IRAG1: variants seen among roughly 807,000 people sequenced by gnomAD.
IRAG1 encodes the protein IP3R-associated cGMP kinase substrate.
Under a neutral mutation model 106.2 loss-of-function variants are expected in IRAG1, and 62 were observed. That is an observed-to-expected ratio of 0.58 (90% CI 0.48 to 0.72). The LOEUF is 0.72. Among genes scored for constraint, IRAG1 ranks in the 30% least tolerant of loss-of-function variants. IRAG1 has a pLI of 0.00. For missense variants in IRAG1, 1,064 were observed against 1,140.7 expected, an observed-to-expected ratio of 0.93 and a Z score of 0.97; for synonymous variants, 462 against 443.9, an observed-to-expected ratio of 1.04 and a Z score of -0.51.
chr11:10,649,158 C>T (rs1003249665), intron 2 of IRAG1, among the ~76,000 whole-genome samples: 3 of 152,324 alleles, frequency 2.0e-5, no homozygotes, highest in South Asian at 2.1e-4. Flanking sequence ...CTGACCCTCC[C>T]GAGGCCGTGA....
chr11:10,637,452 CCT>C (rs1342685604), intron 2 of IRAG1, among the ~76,000 whole-genome samples: 2 of 152,148 alleles, frequency 1.3e-5, no homozygotes, highest in Admixed American at 1.3e-4. Context: ...GGATAGTATG[CCT>C]TGATGGGCTG....
At chr11:10,664,429 G>A (rs1859638483) in intron 1 of IRAG1, among the ~76,000 whole-genome samples, 1 of 152,178 alleles carries the variant, frequency 6.6e-6, no homozygotes, top group South Asian at 2.1e-4. Flanking sequence ...TGAGATAGGG[G>A]TTCAGGGACA....
chr11:10,625,749 C>T (rs1226639042), intron 9 of IRAG1, among the ~76,000 whole-genome samples: 1 of 151,926 alleles, frequency 6.6e-6, no homozygotes, highest in Non-Finnish European at 1.5e-5. Flanking sequence ...TGAGCTCTGC[C>T]TGGTAACTGG....
At chr11:10,626,670 C>T in intron 8 of IRAG1, 87 bp from the exon 9 acceptor site, 1 of 1,430,942 alleles carries the variant, frequency 7.0e-7, no homozygotes, top group Non-Finnish European at 9.3e-7. Context: ...GTCTCTGCCC[C>T]CACACACCTT....
At chr11:10,591,729 GC>G in intron 17 of IRAG1, 117 bp from the exon 18 acceptor site, 1 of 912,890 alleles carries the variant, frequency 1.1e-6, no homozygotes, top group South Asian at 1.4e-5. Context: ...TTTCCTCCAT[GC>G]CCCCACTTTC....
At chr11:10,604,640 C>T (rs1854325521) in intron 12 of IRAG1, 95 bp from the exon 13 acceptor site, 2 of 1,450,904 alleles carry the variant, frequency 1.4e-6, no homozygotes, top group East Asian at 4.6e-5. Context: ...TTTGCAACGG[C>T]CCCTGGAACA....
intron 5 of IRAG1, 109 bp downstream of exon 5, chr11:10,629,429 C>T (rs1856520416): frequency 1.7e-6 from 2 of 1,210,432 alleles, no homozygotes; most frequent in Non-Finnish European, 2.3e-6. Flanking sequence ...GCAGGTGAGT[C>T]CAAGGCGACC....
chr11:10,625,605 C>G (rs980415073), intron 9 of IRAG1, among the ~76,000 whole-genome samples: 4 of 152,102 alleles, frequency 2.6e-5, no homozygotes, highest in African/African-American at 9.7e-5. Context: ...GGCACTCCAT[C>G]AAGGGATTCC....
At chr11:10,599,756 C>G (rs979477735) in intron 15 of IRAG1, 10 of 152,224 alleles carry the variant, frequency 6.6e-5, no homozygotes, top group Admixed American at 2.6e-4. Context: ...AGTTCAAACC[C>G]TGACAGTGCC....
chr11:10,674,764 C>G (rs759696425), intron 1 of IRAG1, among the ~76,000 whole-genome samples: 1 of 152,208 alleles, frequency 6.6e-6, no homozygotes, highest in Non-Finnish European at 1.5e-5. Context: ...TGCACGGTGT[C>G]GGCTCCCTGC....
In IRAG1 at chr11:10,575,175, G is replaced by A. The variant is rs1456630724; in HGVS notation, c.*1157C>T. 6.6e-6 allele frequency: 1 copy of A among 152,218 alleles called. No homozygotes were observed. Among genetic ancestry groups the A allele is most frequent in the Non-Finnish European group, 1.5e-5 (1 of 68,042 alleles). The allele number at this position is 152,218 out of a possible 1,614,324, so 9.4% of individuals were successfully genotyped here. A position where few individuals can be genotyped will look rare whatever the true frequency, so the allele number is the denominator to read the frequency against. On this transcript the variant is annotated 3_prime_UTR_variant, in exon 21 of 21. Transcript: ENST00000423302. Reference sequence around the variant, plus strand: ...GTGGGGAGAGAAGTCAAAATGGAGAGGGGATGTGCTCCTTCAGTGTTGTGC... The same window carrying A: ...GTGGGGAGAGAAGTCAAAATGGAGAAGGGATGTGCTCCTTCAGTGTTGTGC...
Position 10,583,628 on chromosome 11 carries a change from A to G in IRAG1, c.2241-1642T>C, listed in dbSNP as rs1851618892. Among the ~76,000 whole-genome samples, 4 of 152,144 alleles carry G rather than the reference A, an allele frequency of 2.6e-5. No homozygotes were observed. The South Asian group carries it at 6.2e-4, about 24-fold the overall frequency. On this transcript the variant is annotated intron_variant, in intron 18 of 20. Coordinates refer to ENST00000423302, the MANE Select transcript of IRAG1 (RefSeq NM_130385.4). ...GAGAGTAGAGGGGTGTGTTGGAGGG[A>G]GTGTGCAGCTGAAGTAGGTCAAGGG...
chr11:10,688,615 A>G (rs1321342127), intron 1 of IRAG1, among the ~76,000 whole-genome samples: 1 of 151,958 alleles, frequency 6.6e-6, no homozygotes, highest in Non-Finnish European at 1.5e-5. Context: ...CATTGAGCCC[A>G]TTGGTTCCTA....
intron 10 of IRAG1, 30 bp downstream of exon 10, chr11:10,623,748 T>C (rs1160056062): frequency 1.2e-6 from 2 of 1,606,768 alleles, no homozygotes; most frequent in Non-Finnish European, 1.7e-6. Context: ...CAGCACTCGC[T>C]GAGACAGCAT....
intron 2 of IRAG1, among the ~76,000 whole-genome samples, chr11:10,650,269 A>G (rs2134879115): frequency 6.6e-6 from 1 of 152,246 alleles, no homozygotes; most frequent in African/African-American, 2.4e-5. Context: ...GTCTTGTTTT[A>G]TGTTTCCTGA....
intron 4 of IRAG1, among the ~76,000 whole-genome samples, chr11:10,630,862 C>T (rs768436579): frequency 1.3e-5 from 2 of 152,196 alleles, no homozygotes; most frequent in Non-Finnish European, 2.9e-5. Flanking sequence ...AGCTAACCCC[C>T]CTCCCCTGTG....
At chr11:10,653,138 C>T (rs1338337639) in intron 1 of IRAG1, among the ~76,000 whole-genome samples, 1 of 152,176 alleles carries the variant, frequency 6.6e-6, no homozygotes, top group Non-Finnish European at 1.5e-5. Context: ...GATGCTTTCT[C>T]CTGCTCTGAG....
At chr11:10,618,316 T>C (rs1043166391) in intron 10 of IRAG1, among the ~76,000 whole-genome samples, 7 of 152,208 alleles carry the variant, frequency 4.6e-5, no homozygotes, top group Non-Finnish European at 1.0e-4. Flanking sequence ...AGGTACTTTA[T>C]GGCCTGTTAA....
chr11:10,618,872 A>G (rs1164611190), intron 10 of IRAG1, among the ~76,000 whole-genome samples: 1 of 152,230 alleles, frequency 6.6e-6, no homozygotes, highest in Non-Finnish European at 1.5e-5. Flanking sequence ...TAAGAGCAGA[A>G]TGAAGCCTCT....
Sources: allele counts gnomAD v4.1 joint callset (sites outside exome capture counted in the v4.1 genomes callset), GRCh38; gene constraint gnomAD v4.1.1; transcripts MANE v1.5; gene names NCBI Gene and HGNC (gene_info 2026-07-23, HGNC 2026-07-21).